TENM1: variants seen among roughly 807,000 people sequenced by gnomAD.
TENM1 encodes the protein teneurin-1.
In TENM1, 35 loss-of-function variants were observed where a neutral mutation model predicts 174.8. The observed-to-expected ratio is 0.20, with a 90% CI of 0.15 to 0.27. The LOEUF is 0.27. TENM1 is among the 10% of genes least tolerant of loss of function. The probability of loss-of-function intolerance (pLI) is 1.00; values close to 1 mark genes in which losing one functional copy is unlikely to be tolerated. For missense variants in TENM1, 1,633 were observed against 2,130.1 expected (o/e 0.77, Z 4.59); for synonymous variants, 781 against 798.7 (o/e 0.98, Z 0.37).
At chrX:124,436,934 A>G (rs1460679143) in intron 23 of TENM1, among the ~76,000 whole-genome samples, 1 of 72,011 alleles carries the variant, frequency 1.4e-5, no homozygotes, top group African/African-American at 5.2e-5. Context: ...TTCTGACTGC[A>G]TCTTTTTTTT....
At chrX:124,471,235 A>ATAT (rs1427995633) in intron 22 of TENM1, among the ~76,000 whole-genome samples, 9 of 66,081 alleles carry the variant, frequency 1.4e-4, no homozygotes, top group African/African-American at 4.5e-4. Flanking sequence ...ATAGTACTAT[A>ATAT]TATAATATAT....
the TENM1 span, among the ~76,000 whole-genome samples, chrX:124,979,088 T>C: frequency 1.8e-5 from 2 of 112,663 alleles, no homozygotes; most frequent in Admixed American, 1.9e-4. Context: ...CCAATGCAGC[T>C]ACAATTCTTA....
At chrX:124,782,327 T>A (rs1319854748) in intron 3 of TENM1, among the ~76,000 whole-genome samples, 4 of 111,452 alleles carry the variant, frequency 3.6e-5, no homozygotes, top group Non-Finnish European at 7.5e-5. Flanking sequence ...GATCCTTAAT[T>A]CACTGGCTAT....
intron 3 of TENM1, among the ~76,000 whole-genome samples, chrX:124,828,209 G>T (rs2056210973): frequency 9.0e-6 from 1 of 111,469 alleles, no homozygotes; most frequent in African/African-American, 3.3e-5. Flanking sequence ...CTTAATCTAG[G>T]GTTAGTTTCA....
chrX:125,008,425 A>G, the TENM1 span, among the ~76,000 whole-genome samples: 30 of 111,894 alleles, frequency 2.7e-4, no homozygotes, highest in Non-Finnish European at 3.6e-4. Flanking sequence ...CTCCTACACA[A>G]TAACAGTGAA....
intron 3 of TENM1, among the ~76,000 whole-genome samples, chrX:124,749,901 C>T (rs2054020772): frequency 9.0e-6 from 1 of 111,353 alleles, no homozygotes; most frequent in Non-Finnish European, 1.9e-5. Context: ...GCATGGGTAC[C>T]AGACCAGGAT....
intron 1 of TENM1, among the ~76,000 whole-genome samples, chrX:124,906,163 T>C (rs769901296): frequency 8.9e-6 from 1 of 112,145 alleles, no homozygotes; most frequent in Non-Finnish European, 1.9e-5. Flanking sequence ...AGCTTACAGA[T>C]GAGCAAAAGC....
At chrX:124,464,597 GA>G (rs2061220781) in intron 22 of TENM1, among the ~76,000 whole-genome samples, 1 of 111,904 alleles carries the variant, frequency 8.9e-6, no homozygotes, top group Non-Finnish European at 1.9e-5. Flanking sequence ...GCAGGGTAAT[GA>G]GCACTGCGTG....
the TENM1 span, chrX:125,204,091 G>A: frequency 8.8e-6 from 1 of 113,567 alleles, no homozygotes; most frequent in Non-Finnish European, 1.9e-5. Context: ...AAGGGTGCTT[G>A]CGCCCAGGGT....
At chrX:124,620,439 C>A (rs1021511370) in intron 11 of TENM1, among the ~76,000 whole-genome samples, 1 of 112,171 alleles carries the variant, frequency 8.9e-6, no homozygotes, top group African/African-American at 3.2e-5. Flanking sequence ...TAATTCTGTA[C>A]ACTACGCACC....
At chrX:124,889,758 G>A (rs919059770) in intron 3 of TENM1, among the ~76,000 whole-genome samples, 1 of 111,470 alleles carries the variant, frequency 9.0e-6, no homozygotes, top group Admixed American at 9.5e-5. Context: ...TTTATCCTTT[G>A]TATTACAACT....
chrX:125,023,384 G>A, the TENM1 span, among the ~76,000 whole-genome samples: 1 of 111,292 alleles, frequency 9.0e-6, no homozygotes, highest in African/African-American at 3.3e-5. Context: ...AGAACTGTAA[G>A]TCAATTACAA....
intron 3 of TENM1, among the ~76,000 whole-genome samples, chrX:124,832,916 A>C (rs1400962896): frequency 8.9e-6 from 1 of 112,248 alleles, no homozygotes; most frequent in Non-Finnish European, 1.9e-5. Flanking sequence ...GTAAGTATGC[A>C]ATAAACCTTA....
intron 3 of TENM1, among the ~76,000 whole-genome samples, chrX:124,803,593 C>G (rs1253004783): frequency 1.8e-5 from 2 of 112,226 alleles, no homozygotes; most frequent in African/African-American, 6.5e-5. Context: ...TATAACAATA[C>G]TTACCTAGTT....
intron 6 of TENM1, among the ~76,000 whole-genome samples, chrX:124,662,886 A>C (rs993974625): frequency 8.9e-6 from 1 of 111,911 alleles, no homozygotes; most frequent in Admixed American, 9.5e-5. Context: ...CAGCTCTCCT[A>C]TGTAACGGGA....
At chrX:124,529,707 T>C (rs1249926198) in intron 16 of TENM1, among the ~76,000 whole-genome samples, 157 bp downstream of exon 19, 2 of 111,592 alleles carry the variant, frequency 1.8e-5, no homozygotes, top group Non-Finnish European at 3.8e-5. Flanking sequence ...TTTGAATTAA[T>C]TAGGAAATAG....
At chrX:124,810,399 G>T (rs1199315348) in intron 3 of TENM1, among the ~76,000 whole-genome samples, 1 of 111,386 alleles carries the variant, frequency 9.0e-6, no homozygotes, top group East Asian at 2.8e-4. Flanking sequence ...CAAATCAGTA[G>T]TGTTTCTCCA....
chrX:124,660,040 G>C (rs2051553280), intron 6 of TENM1, among the ~76,000 whole-genome samples: 1 of 111,491 alleles, frequency 9.0e-6, no homozygotes, highest in African/African-American at 3.3e-5. Flanking sequence ...TGAAAATACA[G>C]GCATAAATCT....
chrX:124,576,497 C>T (rs1009900087), intron 11 of TENM1, among the ~76,000 whole-genome samples: 9 of 112,119 alleles, frequency 8.0e-5, no homozygotes, highest in African/African-American at 2.9e-4. Context: ...CGTCTAGGTG[C>T]AGTTTGTGAC....
Sources: gnomAD v4.1 joint callset for allele counts (sites outside exome capture counted in the v4.1 genomes callset) on GRCh38, gnomAD v4.1.1 for gene constraint, MANE v1.5 for transcripts, NCBI Gene and HGNC (gene_info 2026-07-23, HGNC 2026-07-21) for gene names.